The following MGMT variants were observed in gnomAD, a reference collection of about 807,000 sequenced individuals.
The protein encoded by MGMT is O-6-methylguanine-DNA methyltransferase, also known as methylated-DNA--protein-cysteine methyltransferase.
A neutral mutation model predicts 15.9 loss-of-function variants in MGMT; 14 were observed. The observed-to-expected ratio is 0.88, with a 90% confidence interval of 0.58 to 1.37. The LOEUF is 1.37. MGMT is among the 40% of genes most tolerant of loss of function. The probability of loss-of-function intolerance (pLI) is 0.00; values close to 1 mark genes in which losing one functional copy is unlikely to be tolerated. For synonymous variants in MGMT, 130 were observed against 118.2 expected (o/e 1.10, Z -0.65); for missense variants, 282 against 268.1 (o/e 1.05, Z -0.36).
At chr10:129,570,521 G>A (rs189965250) in intron 2 of MGMT, among the ~76,000 whole-genome samples, 6 of 152,374 alleles carry the variant, frequency 3.9e-5, no homozygotes, top group Admixed American at 1.3e-4. Flanking sequence ...GTGAAATATT[G>A]TAGTGAACTT....
chr10:129,673,021 T>C (rs1847742336), intron 2 of MGMT, among the ~76,000 whole-genome samples: 1 of 152,178 alleles, frequency 6.6e-6, no homozygotes, highest in Non-Finnish European at 1.5e-5. Flanking sequence ...TGTGGCTCTT[T>C]TGAGGTTTGC....
intron 1 of MGMT, among the ~76,000 whole-genome samples, chr10:129,472,482 C>A (rs1214932146): frequency 6.6e-6 from 1 of 152,162 alleles, no homozygotes; most frequent in South Asian, 2.1e-4. Context: ...GTTTTCCCCC[C>A]AGTCCAATCC....
intron 4 of MGMT, among the ~76,000 whole-genome samples, chr10:129,764,786 G>T (rs965502788): frequency 7.9e-5 from 12 of 152,338 alleles, no homozygotes; most frequent in Non-Finnish European, 1.5e-4. Flanking sequence ...AGAAACAGCT[G>T]TTTGTTCTCA....
At chr10:129,735,557 T>C (rs1848550711) in intron 3 of MGMT, among the ~76,000 whole-genome samples, 1 of 150,656 alleles carries the variant, frequency 6.6e-6, no homozygotes, top group Non-Finnish European at 1.5e-5. Context: ...TGTCTCTATT[T>C]CCTTCAGTTC....
intron 2 of MGMT, among the ~76,000 whole-genome samples, chr10:129,551,695 T>C (rs180927643): frequency 2.0e-5 from 3 of 152,288 alleles, no homozygotes; most frequent in African/African-American, 7.2e-5. Context: ...CTTACTCTCT[T>C]ATTTATTTAT....
intron 3 of MGMT, among the ~76,000 whole-genome samples, chr10:129,749,969 CT>C (rs1177025277): frequency 6.6e-6 from 1 of 151,894 alleles, no homozygotes; most frequent in African/African-American, 2.4e-5. Flanking sequence ...GGTTGTTTGA[CT>C]TTTTTCTTGT....
At chr10:129,590,986 C>A (rs981437279) in intron 2 of MGMT, among the ~76,000 whole-genome samples, 1 of 152,146 alleles carries the variant, frequency 6.6e-6, no homozygotes, top group Non-Finnish European at 1.5e-5. Context: ...CTGAAAATGA[C>A]GTAGTCGTTG....
chr10:129,571,774 G>A (rs1374251594), intron 2 of MGMT, among the ~76,000 whole-genome samples: 1 of 152,138 alleles, frequency 6.6e-6, no homozygotes, highest in Admixed American at 6.5e-5. Flanking sequence ...TGTTTTATTT[G>A]CTGGTCATAA....
intron 2 of MGMT, among the ~76,000 whole-genome samples, chr10:129,623,972 G>A (rs559830678): frequency 2.0e-5 from 3 of 152,348 alleles, no homozygotes; most frequent in African/African-American, 7.2e-5. Flanking sequence ...AGGGCTTGGA[G>A]ACACCCTCTC....
chr10:129,620,733 C>T (rs1052630504), intron 2 of MGMT, among the ~76,000 whole-genome samples: 5 of 151,962 alleles, frequency 3.3e-5, no homozygotes, highest in Non-Finnish European at 7.4e-5. Flanking sequence ...TTTCTTGGAA[C>T]CAGGATATAG....
chr10:129,531,788 G>C (rs1207503497), intron 1 of MGMT, among the ~76,000 whole-genome samples: 4 of 148,282 alleles, frequency 2.7e-5, no homozygotes, highest in Non-Finnish European at 6.0e-5. Flanking sequence ...GTGGGGGTGG[G>C]GGGGGGTGGG....
chr10:129,753,059 C>T (rs1179350667), intron 3 of MGMT, among the ~76,000 whole-genome samples: 1 of 152,128 alleles, frequency 6.6e-6, no homozygotes, highest in African/African-American at 2.4e-5. Flanking sequence ...ATGTCTCTAA[C>T]TCTAACTTCA....
At chr10:129,708,081 A>T (rs768721602) in intron 3 of MGMT, 38 bp downstream of exon 3, 1 of 1,577,554 alleles carries the variant, frequency 6.3e-7, no homozygotes, top group Admixed American at 1.9e-5. Flanking sequence ...TCCTTTGGGG[A>T]GCTTGACTTA....
intron 2 of MGMT, among the ~76,000 whole-genome samples, chr10:129,554,088 G>A (rs1846187562): frequency 6.6e-6 from 1 of 152,242 alleles, no homozygotes; most frequent in Non-Finnish European, 1.5e-5. Context: ...TGCTGCCAAT[G>A]AGAAAGATGG....
At chr10:129,655,009 G>A (rs1847508038) in intron 2 of MGMT, among the ~76,000 whole-genome samples, 1 of 152,220 alleles carries the variant, frequency 6.6e-6, no homozygotes, top group Admixed American at 6.5e-5. Context: ...GAGCAGCAGT[G>A]GGAGGAAACC....
chr10:129,481,021 G>A (rs1243746258), intron 1 of MGMT, among the ~76,000 whole-genome samples: 2 of 152,250 alleles, frequency 1.3e-5, no homozygotes, highest in Non-Finnish European at 2.9e-5. Context: ...TCAAGATTTA[G>A]TGAAGTTTGA....
rs1848947931 is a variant in MGMT at position 129,767,084 on chromosome 10, G to A, written c.*87G>A. 4.3e-6 allele frequency: 5 copies of A among 1,158,386 alleles called. No individual in the cohort carries two copies. The Admixed American group carries it at 1.1e-4, about 26-fold the overall frequency. 71.8% of individuals were successfully genotyped at this position (1,158,386 alleles called of 1,614,324 possible). A position where few individuals can be genotyped will look rare whatever the true frequency, so the allele number is the denominator to read the frequency against. On this transcript the variant is annotated 3_prime_UTR_variant, in exon 5 of 5. Coordinates refer to ENST00000651593, the MANE Select transcript of MGMT (RefSeq NM_002412.5). The stretch of plus-strand genomic sequence containing the variant: ...GCGTGGAGGCACCGCTGTATTAAAG[G>A]AAGTGGCAGTGTCCTGGGAACAAGC...
At chr10:129,653,574 A>G (rs1055548252) in intron 2 of MGMT, among the ~76,000 whole-genome samples, 2 of 152,216 alleles carry the variant, frequency 1.3e-5, no homozygotes, top group African/African-American at 2.4e-5. Context: ...TCACCAATGG[A>G]GTGGCCTCAC....
chr10:129,534,787 T>C (rs1845967803), intron 1 of MGMT, among the ~76,000 whole-genome samples: 1 of 151,790 alleles, frequency 6.6e-6, no homozygotes, highest in Admixed American at 6.6e-5. Context: ...ACCTGCTTCA[T>C]TGTGGGAACA....
Sources: gnomAD v4.1 joint callset for allele counts (sites outside exome capture counted in the v4.1 genomes callset) on GRCh38, gnomAD v4.1.1 for gene constraint, MANE v1.5 for transcripts, NCBI Gene and HGNC (gene_info 2026-07-23, HGNC 2026-07-21) for gene names.